The following RBFOX1 variants were observed in gnomAD, a reference collection of about 807,000 sequenced individuals.
RBFOX1 encodes RNA binding fox-1 homolog 1.
RBFOX1 carries 8 observed loss-of-function variants against 57.7 expected under a neutral mutation model. The ratio of observed to expected loss-of-function variants is 0.14; its 90% CI spans 0.08 to 0.25. RBFOX1 has a LOEUF of 0.25. Among genes scored for constraint, RBFOX1 ranks in the 10% least tolerant of loss-of-function variants. RBFOX1 has a pLI of 1.00. For synonymous variants in RBFOX1, 326 were observed against 222.4 expected, an observed-to-expected ratio of 1.47 and a Z score of -4.15; for missense variants, 611 against 548.5, an observed-to-expected ratio of 1.11 and a Z score of -1.14.
chr16:7,631,562 C>G (rs1186266501), intron 11 of RBFOX1, among the ~76,000 whole-genome samples: 1 of 152,124 alleles, frequency 6.6e-6, no homozygotes, highest in African/African-American at 2.4e-5. Flanking sequence ...GTGTGTAAAT[C>G]CTGTGGAGTT....
intron 2 of RBFOX1, among the ~76,000 whole-genome samples, chr16:5,537,436 T>C (rs955339819): frequency 2.0e-5 from 3 of 152,228 alleles, no homozygotes; most frequent in Non-Finnish European, 1.5e-5. Flanking sequence ...ATTTTATAGT[T>C]ATGTAGGCCA....
Position 7,150,186 on chromosome 16 carries a change from C to T in RBFOX1, c.27+98088C>T, listed in dbSNP as rs561545003. Among the ~76,000 whole-genome samples, 6 of 152,198 alleles carry T rather than the reference C, an allele frequency of 3.9e-5. No individual in the cohort carries two copies. In the South Asian group the frequency reaches 6.2e-4, roughly 16 times the overall value. ...CTCCTTCTGCTAGAACATGCACATC[C>T]GAAGGACAAAAAATATGTTTTATTT... On this transcript the variant is annotated intron_variant, in intron 4 of 15. Coordinates refer to ENST00000550418, the MANE Select transcript of RBFOX1 (RefSeq NM_018723.4).
chr16:7,084,857 G>A (rs191799694), intron 4 of RBFOX1, among the ~76,000 whole-genome samples: 1 of 151,704 alleles, frequency 6.6e-6, no homozygotes, highest in Non-Finnish European at 1.5e-5. Context: ...CTGTCTTTCT[G>A]TCTATCTATC....
intron 4 of RBFOX1, among the ~76,000 whole-genome samples, chr16:7,251,806 A>G (rs1603448603): frequency 6.6e-6 from 1 of 152,170 alleles, no homozygotes; most frequent in Non-Finnish European, 1.5e-5. Flanking sequence ...GGGAGTGCAG[A>G]TATCCCTTCA....
At chr16:6,966,332 G>A (rs1239720833) in intron 3 of RBFOX1, among the ~76,000 whole-genome samples, 1 of 152,066 alleles carries the variant, frequency 6.6e-6, no homozygotes, top group Admixed American at 6.6e-5. Flanking sequence ...AGCAAGTTTT[G>A]GCTCTCAGAG....
Position 5,969,171 on chromosome 16 carries a change from G to A in RBFOX1, c.351+101836G>A, listed in dbSNP as rs141644297. 6.2e-4 allele frequency among the ~76,000 whole-genome samples: 95 copies of A among 152,050 alleles called. No individual in the cohort carries two copies. The Middle Eastern group carries it at 0.01, about 16-fold the overall frequency. ...GCATGTTTTGAAATAGAATGTTGCA[G>A]CATTGATCTTATTTTTGACAATGCC... On this transcript the variant is annotated intron_variant, in intron 4 of 19. Transcript: ENST00000641259.
At chr16:5,949,259 A>G (rs1274912709) in intron 4 of RBFOX1, among the ~76,000 whole-genome samples, 3 of 152,112 alleles carry the variant, frequency 2.0e-5, no homozygotes, top group Non-Finnish European at 2.9e-5. Flanking sequence ...CTTTCTAGCT[A>G]TCTTTAAAAA....
At chr16:5,484,148 G>C (rs1204403548) in intron 2 of RBFOX1, among the ~76,000 whole-genome samples, 1 of 152,196 alleles carries the variant, frequency 6.6e-6, no homozygotes, top group Non-Finnish European at 1.5e-5. Context: ...TTCAGCCTGG[G>C]AAACAGAGCA....
chr16:6,398,268 G>C (rs1308832464), intron 2 of RBFOX1, among the ~76,000 whole-genome samples: 2 of 152,058 alleles, frequency 1.3e-5, no homozygotes, highest in Admixed American at 1.3e-4. Flanking sequence ...ACTACAACTC[G>C]AGATTTCGGT....
intron 4 of RBFOX1, among the ~76,000 whole-genome samples, chr16:7,285,731 G>T (rs868714545): frequency 7.2e-5 from 11 of 152,138 alleles, no homozygotes; most frequent in African/African-American, 2.7e-4. Context: ...TTTCATTGCT[G>T]TGTAGTATTC....
At chr16:6,369,992 C>G (rs12446441) in intron 2 of RBFOX1, among the ~76,000 whole-genome samples, 59,685 of 152,012 alleles carry the variant, frequency 0.39, 12,586 homozygotes, top group Non-Finnish European at 0.47. Context: ...GTTGTCAAGT[C>G]TCTTTAGTGT....
At chr16:6,709,051 A>G (rs972695069) in intron 3 of RBFOX1, among the ~76,000 whole-genome samples, 4 of 152,102 alleles carry the variant, frequency 2.6e-5, no homozygotes, top group South Asian at 2.1e-4. Flanking sequence ...CAGGTGAGCA[A>G]TAATTCCCTC....
chr16:6,748,021 A>T (rs529700453), intron 3 of RBFOX1, among the ~76,000 whole-genome samples: 60 of 152,270 alleles, frequency 3.9e-4, no homozygotes, highest in Non-Finnish European at 6.6e-4. Context: ...GATTTGAAGG[A>T]TTGTTCACCA....
At chr16:7,479,193 G>A (rs1022693803) in intron 4 of RBFOX1, among the ~76,000 whole-genome samples, 4 of 150,776 alleles carry the variant, frequency 2.7e-5, no homozygotes, top group South Asian at 2.1e-4. Context: ...GTGTGATCTC[G>A]GCTCAGTGCA....
intron 14 of RBFOX1, among the ~76,000 whole-genome samples, chr16:7,689,606 A>T (rs1568473447): frequency 6.6e-6 from 1 of 152,100 alleles, no homozygotes; most frequent in Non-Finnish European, 1.5e-5. Flanking sequence ...CACTCTAGGC[A>T]TTCTTATCTT....
At chr16:7,140,431 G>T (rs921530600) in intron 4 of RBFOX1, among the ~76,000 whole-genome samples, 101 of 151,762 alleles carry the variant, frequency 6.7e-4, no homozygotes, top group African/African-American at 2.3e-3. Flanking sequence ...TGGCTATATT[G>T]TCTAACTTCC....
intron 4 of RBFOX1, among the ~76,000 whole-genome samples, chr16:7,412,702 A>G (rs1273552592): frequency 2.0e-5 from 3 of 152,196 alleles, no homozygotes; most frequent in Non-Finnish European, 2.9e-5. Flanking sequence ...CAGCATAAAC[A>G]AATTTGTATG....
intron 1 of RBFOX1, among the ~76,000 whole-genome samples, chr16:5,247,790 T>C (rs2062339755): frequency 6.6e-6 from 1 of 152,170 alleles, no homozygotes; most frequent in African/African-American, 2.4e-5. Flanking sequence ...AGTCTTAGGT[T>C]AAGAGGACTT....
chr16:6,647,060 A>G (rs372856493), intron 2 of RBFOX1, among the ~76,000 whole-genome samples: 3 of 152,208 alleles, frequency 2.0e-5, no homozygotes, highest in African/African-American at 7.2e-5. Context: ...TTGTGTCTGG[A>G]TATTCAAGAT....
Sources: allele counts gnomAD v4.1 joint callset (sites outside exome capture counted in the v4.1 genomes callset), GRCh38; gene constraint gnomAD v4.1.1; transcripts MANE v1.5; gene names NCBI Gene and HGNC (gene_info 2026-07-23, HGNC 2026-07-21).